The following AFF3 variants were observed in gnomAD, a reference collection of about 807,000 sequenced individuals.
AFF3 encodes AF4/FMR2 family member 3.
A neutral mutation model predicts 129.7 loss-of-function variants in AFF3; 32 were observed. That is an observed-to-expected ratio of 0.25 (90% CI 0.19 to 0.33). The LOEUF is 0.33. Among genes scored for constraint, AFF3 ranks in the 10% least tolerant of loss-of-function variants. AFF3 has a pLI of 1.00. For synonymous variants in AFF3, 644 were observed against 635.4 expected, an observed-to-expected ratio of 1.01 and a Z score of -0.20; for missense variants, 1,373 against 1,592.0, an observed-to-expected ratio of 0.86 and a Z score of 2.34.
chr2:99,624,179 C>A (rs971333119), intron 13 of AFF3, among the ~76,000 whole-genome samples: 1 of 152,014 alleles, frequency 6.6e-6, no homozygotes, highest in Non-Finnish European at 1.5e-5. Context: ...CCAGTTCCTG[C>A]CAATCATCTA....
intron 11 of AFF3, among the ~76,000 whole-genome samples, chr2:99,713,475 G>T (rs1414255601): frequency 6.6e-6 from 1 of 151,822 alleles, no homozygotes; most frequent in Admixed American, 6.6e-5. Flanking sequence ...CACCCTGTTG[G>T]CCAGGTTGGT....
chr2:99,676,677 G>T lies in AFF3; in HGVS notation c.1092-4088C>A, dbSNP rs1403159345. Among the ~76,000 whole-genome samples, 3 of 152,230 alleles carry T rather than the reference G, an allele frequency of 2.0e-5. No individual in the cohort carries two copies. The East Asian group carries it at 5.8e-4, about 29-fold the overall frequency. On this transcript the variant is annotated intron_variant, in intron 11 of 24. Transcript: ENST00000672756. ...GATAAACAAGTTGAGACTTTGAGATGTCTTTGTAATGATGCCTTAAAACAG... is the reference window on the plus strand; with the variant it reads ...GATAAACAAGTTGAGACTTTGAGATTTCTTTGTAATGATGCCTTAAAACAG...
chr2:99,858,687 G>A (rs904376561), intron 7 of AFF3, among the ~76,000 whole-genome samples: 1 of 152,148 alleles, frequency 6.6e-6, no homozygotes. Flanking sequence ...CTTATAAGTG[G>A]GAGCTAAATG....
intron 8 of AFF3, among the ~76,000 whole-genome samples, chr2:99,814,752 C>T (rs1218814928): frequency 1.3e-5 from 2 of 150,328 alleles, no homozygotes; most frequent in African/African-American, 5.0e-5. Context: ...GTCCCTCCAC[C>T]CCTCCCAGGA....
chr2:100,138,230 G>T (rs1692710509), intron 1 of AFF3, among the ~76,000 whole-genome samples: 1 of 152,176 alleles, frequency 6.6e-6, no homozygotes, highest in Non-Finnish European at 1.5e-5. Flanking sequence ...CTAATGGAGG[G>T]TCTACCTTTC....
At chr2:100,018,563 T>C (rs761137666) in intron 4 of AFF3, among the ~76,000 whole-genome samples, 2 of 152,182 alleles carry the variant, frequency 1.3e-5, no homozygotes, top group Admixed American at 1.3e-4. Flanking sequence ...TGCCAGGCTG[T>C]ATGACAAGCA....
chr2:99,779,682 C>A (rs1453276712), intron 8 of AFF3, among the ~76,000 whole-genome samples: 1 of 152,206 alleles, frequency 6.6e-6, no homozygotes, highest in Admixed American at 6.5e-5. Flanking sequence ...CCCCTCCCAC[C>A]TTTCACGGTC....
chr2:99,798,544 A>AAT (rs1249465364), intron 8 of AFF3, among the ~76,000 whole-genome samples: 1 of 151,972 alleles, frequency 6.6e-6, no homozygotes, highest in Non-Finnish European at 1.5e-5. Context: ...ATCAAGACCC[A>AAT]ATTATATGCT....
At chr2:99,937,619 G>C (rs555906900) in intron 7 of AFF3, among the ~76,000 whole-genome samples, 1 of 152,056 alleles carries the variant, frequency 6.6e-6, no homozygotes, top group Non-Finnish European at 1.5e-5. Context: ...GGGTGGTCTC[G>C]AACTCCTGAC....
chr2:99,810,810 G>A (rs939764651), intron 8 of AFF3, among the ~76,000 whole-genome samples: 6 of 152,204 alleles, frequency 3.9e-5, no homozygotes, highest in Admixed American at 1.3e-4. Context: ...GGCTCTAGGG[G>A]AAACTCTGTT....
At chr2:100,009,864 T>C (rs1682353591) in intron 4 of AFF3, among the ~76,000 whole-genome samples, 1 of 152,188 alleles carries the variant, frequency 6.6e-6, no homozygotes, top group African/African-American at 2.4e-5. Flanking sequence ...GAACCAACAC[T>C]ACCAATCAAA....
At chr2:99,798,813 C>T (rs1308074666) in intron 8 of AFF3, among the ~76,000 whole-genome samples, 2 of 151,922 alleles carry the variant, frequency 1.3e-5, no homozygotes, top group Non-Finnish European at 2.9e-5. Context: ...GTGAATACAA[C>T]TTCAAGGAGA....
chr2:100,133,668 C>T (rs1284195276), intron 1 of AFF3, among the ~76,000 whole-genome samples: 1 of 152,190 alleles, frequency 6.6e-6, no homozygotes, highest in Non-Finnish European at 1.5e-5. Context: ...CACAGTGGCT[C>T]ATGCCTGTAA....
intron 13 of AFF3, among the ~76,000 whole-genome samples, chr2:99,635,197 CTCTATGTATATGATATATACACATA>C: frequency 6.6e-6 from 1 of 150,996 alleles, no homozygotes; most frequent in Admixed American, 6.6e-5. Flanking sequence ...ATATACACAT[CTCTATGTATATGATATATACACATA>C]TCTATGTATA....
intron 7 of AFF3, among the ~76,000 whole-genome samples, chr2:99,995,576 G>A (rs1021311819): frequency 1.3e-5 from 2 of 152,100 alleles, no homozygotes; most frequent in Admixed American, 1.3e-4. Flanking sequence ...GTTTCACCAT[G>A]TTAGCCAGGA....
intron 7 of AFF3, among the ~76,000 whole-genome samples, chr2:99,881,928 T>A (rs777865257): frequency 6.6e-6 from 1 of 152,214 alleles, no homozygotes; most frequent in Non-Finnish European, 1.5e-5. Flanking sequence ...CCTGAATTTA[T>A]GCATGAGCAC....
intron 4 of AFF3, among the ~76,000 whole-genome samples, chr2:100,096,454 G>A (rs576924644): frequency 2.6e-5 from 4 of 152,040 alleles, no homozygotes; most frequent in South Asian, 2.1e-4. Flanking sequence ...AAACGCAACC[G>A]TCAAGCTTTA....
At chr2:99,651,564 C>A (rs1262978512) in intron 12 of AFF3, among the ~76,000 whole-genome samples, 1 of 152,034 alleles carries the variant, frequency 6.6e-6, no homozygotes, top group East Asian at 1.9e-4. Context: ...GCCTCAGCCT[C>A]CCAAGTAGCT....
chr2:100,055,946 A>C (rs13392222), intron 4 of AFF3, among the ~76,000 whole-genome samples: 22,855 of 151,780 alleles, frequency 0.15, 2,078 homozygotes, highest in African/African-American at 0.22. Context: ...CGGAGAAGGA[A>C]GGACTGCTTG....
Sources: allele counts gnomAD v4.1 joint callset (sites outside exome capture counted in the v4.1 genomes callset), GRCh38; gene constraint gnomAD v4.1.1; transcripts MANE v1.5; gene names NCBI Gene and HGNC (gene_info 2026-07-23, HGNC 2026-07-21).